FGD1: variants seen among roughly 807,000 people sequenced by gnomAD.
The protein encoded by FGD1 is FYVE, RhoGEF and PH domain containing 1.
In FGD1, 12 loss-of-function variants were observed where a neutral mutation model predicts 65.0. That is an observed-to-expected ratio of 0.18 (90% CI 0.12 to 0.30). FGD1 has a LOEUF of 0.30. Ranked by LOEUF, FGD1 falls within the 10% of genes least tolerant of loss-of-function variation. The pLI, the probability that FGD1 is intolerant of heterozygous loss-of-function variation, is 1.00. For missense variants in FGD1, 542 were observed against 837.6 expected (o/e 0.65, Z 4.36); for synonymous variants, 333 against 343.9 (o/e 0.97, Z 0.35).
intron 6 of FGD1, 75 bp from the exon 7 acceptor site, chrX:54,465,927 C>A (rs1922749116): frequency 9.1e-7 from 1 of 1,102,034 alleles, no homozygotes; most frequent in Non-Finnish European, 1.2e-6. Flanking sequence ...AGTTTCCAGC[C>A]CCAGGCAGAT....
At chrX:54,494,633 C>A (rs1460820161) in intron 1 of FGD1, among the ~76,000 whole-genome samples, 1 of 109,896 alleles carries the variant, frequency 9.1e-6, no homozygotes, top group Non-Finnish European at 1.9e-5. Context: ...CTTCAGTTTC[C>A]TTCCCTACAA....
intron 1 of FGD1, among the ~76,000 whole-genome samples, chrX:54,482,851 C>A (rs56384106): frequency 9.0e-6 from 1 of 110,653 alleles, no homozygotes; most frequent in East Asian, 2.9e-4. Flanking sequence ...TGGTAGTCAG[C>A]GAGGGATACA....
rs764364429 is a variant in FGD1, at chrX:54,469,983, TGGACCTGCCTCTCGGTGAACACA to T, written c.1101+10_1101+32del. 2 of 1,177,445 alleles carry T rather than the reference TGGACCTGCCTCTCGGTGAACACA, an allele frequency of 1.7e-6. No individual in the cohort carries two copies. Among genetic ancestry groups the T allele is most frequent in the East Asian group, 6.0e-5 (2 of 33,564 alleles). On this transcript the variant is annotated intron_variant, in intron 4 of 17. Transcript: ENST00000375135. ...AAAAGGCGCTTCCAGGTTCTCCACA[TGGACCTGCCTCTCGGTGAACACA>T]GGTCAGTACCTCCACAGACTCCTGT...
In FGD1 at chrX:54,446,399, G is replaced by C; in HGVS notation, c.2596C>G (p.Arg866Gly). The C allele has an allele frequency of 8.3e-7, 1 of 1,209,837 alleles. No homozygotes were observed. The highest frequency in any genetic ancestry group is 1.1e-6 in the Non-Finnish European group (1 of 894,566). Reference protein sequence around the residue: ...YGAPQDVKAQRSLPLIGFEVG... With the variant: ...YGAPQDVKAQGSLPLIGFEVG... The stretch of plus-strand genomic sequence containing the variant: ...TCGAAGCCAATGAGGGGCAGGCTGC[G>C]CTGGGCTTTCACATCCTGGCGGGAG... Residue 866 changes from arginine to glycine, a missense_variant, in exon 18 of 18, where the codon CGC becomes GGC. Coordinates refer to ENST00000375135, the MANE Select transcript of FGD1 (RefSeq NM_004463.3).
At chrX:54,465,883 T>C in intron 6 of FGD1, 31 bp from the exon 7 acceptor site, 1 of 1,205,493 alleles carries the variant, frequency 8.3e-7, no homozygotes, top group South Asian at 1.8e-5. Context: ...GATGTGGTCC[T>C]GCTGCTCTTT....
At position 54,456,375 on chromosome X, in the gene FGD1, A is replaced by C; in HGVS notation, c.1696-9T>G. On this transcript the variant is annotated splice_polypyrimidine_tract_variant and intron_variant, in intron 9 of 17. Transcript: ENST00000375135. ...AGCTTATGCATTCGCTCCTGGCAAA[A>C]GACAGGGAACAAAAGGCACGGTTGG... 1 of 1,211,794 alleles carries C rather than the reference A, an allele frequency of 8.3e-7. No individual in the cohort carries two copies. The highest frequency in any genetic ancestry group is 3.0e-5 in the East Asian group (1 of 33,827).
chrX:54,449,829 AC>A, intron 13 of FGD1, 69 bp from the exon 14 acceptor site: 4 of 733,821 alleles, frequency 5.5e-6, no homozygotes, highest in Non-Finnish European at 8.6e-6. Flanking sequence ...CCCTCGCCTC[AC>A]CTTCGTATAC....
intron 16 of FGD1, 55 bp downstream of exon 16, chrX:54,448,751 A>C: frequency 9.5e-6 from 11 of 1,153,997 alleles, no homozygotes; most frequent in African/African-American, 1.8e-5. Flanking sequence ...CTCACTGGGT[A>C]GAGTTGGAAC....
chrX:54,489,842 A>G (rs1388755250), intron 1 of FGD1, among the ~76,000 whole-genome samples: 2 of 112,065 alleles, frequency 1.8e-5, no homozygotes, highest in African/African-American at 6.5e-5. Context: ...GTATACACTC[A>G]AAGAAGTATA....
At chrX:54,458,370 G>A (rs1322297232) in intron 8 of FGD1, among the ~76,000 whole-genome samples, 6 of 109,334 alleles carry the variant, frequency 5.5e-5, no homozygotes, top group Admixed American at 9.8e-5. Context: ...GCAAAACCCC[G>A]TCTCTACTAA....
At chrX:54,480,190 A>C (rs1176553451) in intron 1 of FGD1, among the ~76,000 whole-genome samples, 1 of 112,405 alleles carries the variant, frequency 8.9e-6, no homozygotes, top group African/African-American at 3.2e-5. Context: ...TGAAATGGAG[A>C]TCTCTTTGAT....
intron 6 of FGD1, among the ~76,000 whole-genome samples, chrX:54,467,358 CTTT>C (rs200305260): frequency 1.0e-5 from 1 of 96,371 alleles, no homozygotes; most frequent in Admixed American, 1.2e-4. Context: ...TTTTCTTTTT[CTTT>C]TTTTTTTTTT....
chrX:54,468,865 C>A lies in FGD1; in HGVS notation c.1113G>T (p.Gln371His). ...CATTGGCAATGTGAAACACCTTTTG[C>A]TGCACAGTCAACTGGAAAGGAGAAA... ...ERQESVELTV[Q>H]QKVFHIANEL... Residue 371 changes from glutamine to histidine, a missense_variant, in exon 5 of 18, where the codon CAG becomes CAT. Physicochemically the swap from Gln to His is conservative, Grantham distance 24 (BLOSUM62 0). Transcript: ENST00000375135. 1.7e-6 allele frequency: 2 copies of A among 1,198,663 alleles called. No homozygotes were observed. Among genetic ancestry groups the A allele is most frequent in the East Asian group, 3.0e-5 (1 of 33,783 alleles).
At chrX:54,469,127 A>G (rs1362315668) in intron 4 of FGD1, among the ~76,000 whole-genome samples, 1 of 111,534 alleles carries the variant, frequency 9.0e-6, no homozygotes, top group African/African-American at 3.3e-5. Flanking sequence ...CGCTCTCTCT[A>G]TTCACTCAGC....
rs1405650517 is a variant in FGD1 at position 54,485,569 on chromosome X, A to G, written c.307+9557T>C. Among the ~76,000 whole-genome samples the G allele has an allele frequency of 2.7e-5, 3 of 110,708 alleles. No homozygotes were observed. The Admixed American group carries it at 2.9e-4, about 11-fold the overall frequency. Reference sequence around the variant, plus strand: ...CTGCAGCCTCGAACTCCTGGACACAAGTGATCCTTCCACCTCAGCCTCTCA... The same window carrying G: ...CTGCAGCCTCGAACTCCTGGACACAGGTGATCCTTCCACCTCAGCCTCTCA... On this transcript the variant is annotated intron_variant, in intron 1 of 17. Transcript: ENST00000375135.
Position 54,485,625 on chromosome X carries a change from T to C in FGD1, c.307+9501A>G, listed in dbSNP as rs552362581. ...CTGTGACTACAGGCATACACCACCA[T>C]GCCCTGCTAATTTAAAAATATTTTT... On this transcript the variant is annotated intron_variant, in intron 1 of 17. Transcript: ENST00000375135. Among the ~76,000 whole-genome samples the C allele has an allele frequency of 2.7e-5, 3 of 110,673 alleles. No individual in the cohort carries two copies. In the Admixed American group the frequency reaches 2.9e-4, roughly 11 times the overall value.
At chrX:54,459,426 G>T (rs1465399574) in intron 8 of FGD1, among the ~76,000 whole-genome samples, 2 of 110,754 alleles carry the variant, frequency 1.8e-5, no homozygotes, top group Admixed American at 9.7e-5. Flanking sequence ...GGCAGTCTAG[G>T]ATCTTGGTTT....
chrX:54,476,019 C>T (rs1023917495), intron 1 of FGD1, among the ~76,000 whole-genome samples: 1 of 111,851 alleles, frequency 8.9e-6, no homozygotes, highest in Non-Finnish European at 1.9e-5. Flanking sequence ...AAGCTGAGAT[C>T]GCACCATTGC....
chrX:54,469,246 G>A (rs1922827752), intron 4 of FGD1, among the ~76,000 whole-genome samples: 1 of 111,908 alleles, frequency 8.9e-6, no homozygotes, highest in South Asian at 3.7e-4. Flanking sequence ...TCTGTATTTA[G>A]GACGCCTCAT....
Sources: allele counts gnomAD v4.1 joint callset (sites outside exome capture counted in the v4.1 genomes callset), GRCh38; gene constraint gnomAD v4.1.1; transcripts MANE v1.5; gene names NCBI Gene and HGNC (gene_info 2026-07-23, HGNC 2026-07-21).